The following EPB41L2 variants were observed in gnomAD, a reference collection of about 807,000 sequenced individuals.
EPB41L2 encodes the protein erythrocyte membrane protein band 4.1 like 2.
A neutral mutation model predicts 113.0 loss-of-function variants in EPB41L2; 43 were observed. The observed-to-expected ratio is 0.38, with a 90% CI of 0.30 to 0.49. EPB41L2 has a LOEUF of 0.49. EPB41L2 is among the 20% of genes least tolerant of loss of function. The pLI is 0.95. For synonymous variants in EPB41L2, 442 were observed against 436.7 expected (o/e 1.01, Z -0.15); for missense variants, 1,147 against 1,223.4 (o/e 0.94, Z 0.93).
chr6:131,004,929 A>T (rs7746714), intron 1 of EPB41L2, among the ~76,000 whole-genome samples: 129,552 of 152,222 alleles, frequency 0.85, 55,563 homozygotes, highest in East Asian at 1. Flanking sequence ...AAATTCAGTC[A>T]AGAAAGCAAC....
Position 130,892,403 on chromosome 6 carries a change from C to CTTTTTTTTTTTTTTTTTTTTT in EPB41L2, c.1488-1938_1488-1937insAAAAAAAAAAAAAAAAAAAAA, listed in dbSNP as rs60350565. On this transcript the variant is annotated intron_variant, in intron 10 of 19. Coordinates refer to ENST00000337057, the MANE Select transcript of EPB41L2 (RefSeq NM_001431.4). ...CTTGCCATTTCTGAACAGATTATTGCTTTTTTTTTTTTTTTTTTTATCATT... is the reference window on the plus strand; with the variant it reads ...CTTGCCATTTCTGAACAGATTATTGCTTTTTTTTTTTTTTTTTTTTTTTTTTTTTTTTTTTTTTTTATCATT... Among the ~76,000 whole-genome samples, 138 of 92,614 alleles carry CTTTTTTTTTTTTTTTTTTTTT rather than the reference C, an allele frequency of 1.5e-3. 16 individuals are homozygous for CTTTTTTTTTTTTTTTTTTTTT. Among genetic ancestry groups the CTTTTTTTTTTTTTTTTTTTTT allele is most frequent in the Middle Eastern group, 5.8e-3 (1 of 172 alleles). The allele number at this position is 92,614 out of a possible 152,430, so 60.8% of individuals were successfully genotyped here.
At chr6:130,872,668 A>C (rs1479807396) in intron 14 of EPB41L2, 1 of 605,408 alleles carries the variant, frequency 1.7e-6, no homozygotes, top group African/African-American at 2.0e-5. Context: ...AGAAAAGATG[A>C]GAATTCTGAC....
intron 1 of EPB41L2, among the ~76,000 whole-genome samples, chr6:130,979,652 A>C (rs1351861739): frequency 1.3e-5 from 2 of 152,164 alleles, no homozygotes; most frequent in East Asian, 3.9e-4. Context: ...TTGTGGGAGT[A>C]ATGAAAAATA....
chr6:131,050,967 TCTAAA>T (rs1180174183), intron 1 of EPB41L2, among the ~76,000 whole-genome samples: 4 of 152,174 alleles, frequency 2.6e-5, no homozygotes, highest in African/African-American at 9.7e-5. Context: ...ACTCAATAAA[TCTAAA>T]CTAATGCTGT....
intron 1 of EPB41L2, among the ~76,000 whole-genome samples, chr6:131,029,487 A>G (rs764261838): frequency 3.5e-4 from 54 of 152,256 alleles, no homozygotes; most frequent in Middle Eastern, 3.4e-3. Flanking sequence ...GTCCTTTCAG[A>G]AGCTATACTT....
At chr6:130,994,799 C>CG (rs1291480828) in intron 1 of EPB41L2, among the ~76,000 whole-genome samples, 2 of 152,150 alleles carry the variant, frequency 1.3e-5, no homozygotes, top group Admixed American at 6.5e-5. Context: ...ACCTGACTCC[C>CG]GTTCTTTTTA....
chr6:130,904,663 T>A (rs1002443716), intron 5 of EPB41L2, 123 bp from the exon 6 acceptor site: 14 of 411,532 alleles, frequency 3.4e-5, no homozygotes, highest in African/African-American at 2.5e-4. Flanking sequence ...CATGCAGAAT[T>A]TTTTTATTTA....
At chr6:131,038,226 A>AT (rs1423456382) in intron 1 of EPB41L2, among the ~76,000 whole-genome samples, 1 of 152,218 alleles carries the variant, frequency 6.6e-6, no homozygotes, top group Admixed American at 6.5e-5. Flanking sequence ...TAAATCCTTC[A>AT]TACAGTGATG....
At chr6:130,851,124 G>A (rs991270576) in intron 19 of EPB41L2, among the ~76,000 whole-genome samples, 1 of 152,174 alleles carries the variant, frequency 6.6e-6, no homozygotes, top group African/African-American at 2.4e-5. Context: ...CAACACACCT[G>A]ATATGCCTGC....
At chr6:131,035,475 T>G (rs1793110815) in intron 1 of EPB41L2, among the ~76,000 whole-genome samples, 2 of 152,188 alleles carry the variant, frequency 1.3e-5, no homozygotes, top group African/African-American at 4.8e-5. Flanking sequence ...CACCAACACC[T>G]TTACCTTCAA....
chr6:130,909,550 A>T (rs1798715438), intron 4 of EPB41L2, among the ~76,000 whole-genome samples: 1 of 152,242 alleles, frequency 6.6e-6, no homozygotes, highest in Non-Finnish European at 1.5e-5. Flanking sequence ...ATCAGGCAAG[A>T]GAAACAAATA....
chr6:131,048,976 A>C (rs533650331), intron 1 of EPB41L2, among the ~76,000 whole-genome samples: 4 of 152,268 alleles, frequency 2.6e-5, no homozygotes, highest in Admixed American at 2.6e-4. Flanking sequence ...CAAGTAACAC[A>C]TAAATCATAG....
intron 3 of EPB41L2, among the ~76,000 whole-genome samples, chr6:130,931,356 G>A (rs1806791562): frequency 6.6e-6 from 1 of 151,848 alleles, no homozygotes; most frequent in Admixed American, 6.6e-5. Context: ...TGAAACATAA[G>A]CTAGGGAATA....
chr6:130,966,080 A>C (rs1051851165), intron 1 of EPB41L2, among the ~76,000 whole-genome samples: 1 of 152,200 alleles, frequency 6.6e-6, no homozygotes, highest in Non-Finnish European at 1.5e-5. Flanking sequence ...AAAGTTTACA[A>C]ATTTGTGTTG....
chr6:130,948,901 A>G (rs750964546), intron 3 of EPB41L2, among the ~76,000 whole-genome samples: 2 of 152,228 alleles, frequency 1.3e-5, no homozygotes, highest in Non-Finnish European at 2.9e-5. Flanking sequence ...ACTTACAGGA[A>G]TACCAAGAGA....
chr6:130,905,579 C>T (rs917298464), intron 5 of EPB41L2, among the ~76,000 whole-genome samples: 3 of 151,924 alleles, frequency 2.0e-5, no homozygotes, highest in East Asian at 1.9e-4. Flanking sequence ...CTACGATGTC[C>T]GGCTAACTTA....
At chr6:130,861,928 T>C (rs1380784792) in intron 18 of EPB41L2, among the ~76,000 whole-genome samples, 1 of 150,390 alleles carries the variant, frequency 6.6e-6, no homozygotes, top group Non-Finnish European at 1.5e-5. Flanking sequence ...GCAAAATCTC[T>C]GTTCTCTTCA....
At chr6:130,853,080 T>C (rs1779219852) in intron 19 of EPB41L2, among the ~76,000 whole-genome samples, 1 of 152,234 alleles carries the variant, frequency 6.6e-6, no homozygotes, top group Non-Finnish European at 1.5e-5. Context: ...GCAGACCTTA[T>C]TTTATTTGAT....
intron 12 of EPB41L2, chr6:130,880,781 G>T: frequency 2.8e-6 from 1 of 351,670 alleles, no homozygotes; most frequent in Non-Finnish European, 5.1e-6. Context: ...TCAGGAACAA[G>T]AATATGAGAG....
Sources: gnomAD v4.1 joint callset for allele counts (sites outside exome capture counted in the v4.1 genomes callset) on GRCh38, gnomAD v4.1.1 for gene constraint, MANE v1.5 for transcripts, NCBI Gene and HGNC (gene_info 2026-07-23, HGNC 2026-07-21) for gene names.